DOCK7: variants seen among roughly 807,000 people sequenced by gnomAD.
DOCK7 encodes dedicator of cytokinesis 7.
In DOCK7, 138 loss-of-function variants were observed where a neutral mutation model predicts 271.0. The observed-to-expected ratio is 0.51, with a 90% confidence interval of 0.44 to 0.59. The LOEUF is 0.59. DOCK7 is among the 20% of genes least tolerant of loss of function. DOCK7 has a pLI of 0.00. For missense variants in DOCK7, 2,066 were observed against 2,592.4 expected (o/e 0.80, Z 4.41); for synonymous variants, 823 against 876.1 (o/e 0.94, Z 1.07).
Position 62,495,816 on chromosome 1 carries a change from C to G in DOCK7, c.4924-135G>C, listed in dbSNP as rs377636166. 167 of 678,482 alleles carry G rather than the reference C, an allele frequency of 2.5e-4. No individual in the cohort carries two copies. The African/African-American group carries it at 2.7e-3, about 11-fold the overall frequency. The allele number at this position is 678,482 out of a possible 1,614,324, so 42.0% of individuals were successfully genotyped here. A position where few individuals can be genotyped will look rare whatever the true frequency, so the allele number is the denominator to read the frequency against. ...TGTAGGATACTGATATGATTCTGTA[C>G]AGTATAGGTATGTGGGGATATGGTA... On this transcript the variant is annotated intron_variant, in intron 38 of 49. Coordinates refer to ENST00000635253, the MANE Select transcript of DOCK7 (RefSeq NM_001367561.1).
At chr1:62,473,333 G>A (rs1345138589) in intron 48 of DOCK7, among the ~76,000 whole-genome samples, 5 of 152,040 alleles carry the variant, frequency 3.3e-5, no homozygotes, top group African/African-American at 9.7e-5. Flanking sequence ...AAGTATTCTG[G>A]GGGGAGGGAA....
At position 62,636,533 on chromosome 1, in the gene DOCK7, T is replaced by G. The variant is rs1397292346; in HGVS notation, c.885+4A>C. 1 of 1,592,518 alleles carries G rather than the reference T, an allele frequency of 6.3e-7. No homozygotes were observed. The highest frequency in any genetic ancestry group is 1.3e-5 in the African/African-American group (1 of 74,384). On this transcript the variant is annotated splice_donor_region_variant and intron_variant, in intron 8 of 49. Coordinates refer to ENST00000635253, the MANE Select transcript of DOCK7 (RefSeq NM_001367561.1). ...ATAACTATGGTCAAATTATATAATCTTACCTTTTTCTTTTCCTTGACATCA... is the reference window on the plus strand; with the variant it reads ...ATAACTATGGTCAAATTATATAATCGTACCTTTTTCTTTTCCTTGACATCA...
intron 29 of DOCK7, among the ~76,000 whole-genome samples, chr1:62,534,611 A>C (rs1013515782): frequency 3.9e-5 from 6 of 152,098 alleles, no homozygotes; most frequent in African/African-American, 1.2e-4. Flanking sequence ...ACAGAGTGAG[A>C]CCTATTCTCA....
intron 43 of DOCK7, 77 bp downstream of exon 43, chr1:62,487,321 T>C: frequency 6.9e-7 from 1 of 1,443,954 alleles, no homozygotes; most frequent in Non-Finnish European, 9.6e-7. Flanking sequence ...AGCTAGCACA[T>C]GTGGGCAAAG....
At chr1:62,673,155 C>T (rs1660192076) in intron 1 of DOCK7, among the ~76,000 whole-genome samples, 1 of 152,016 alleles carries the variant, frequency 6.6e-6, no homozygotes, top group African/African-American at 2.4e-5. Context: ...AAAACTAAAA[C>T]ATATACACGT....
chr1:62,463,614 G>A (rs760780869), intron 48 of DOCK7, among the ~76,000 whole-genome samples: 9 of 151,928 alleles, frequency 5.9e-5, no homozygotes, highest in East Asian at 1.9e-4. Context: ...TTCATAAAAC[G>A]GATTATGTAA....
intron 15 of DOCK7, chr1:62,584,717 G>T: frequency 8.9e-7 from 1 of 1,125,378 alleles, no homozygotes; most frequent in Non-Finnish European, 1.3e-6. Flanking sequence ...ACATGAGTAA[G>T]ACATCGTCCC....
At chr1:62,609,038 T>G (rs1203101475) in intron 14 of DOCK7, 1 of 152,160 alleles carries the variant, frequency 6.6e-6, no homozygotes, top group South Asian at 2.1e-4. Context: ...TCTGCACTTA[T>G]GTATGTACTA....
intron 7 of DOCK7, among the ~76,000 whole-genome samples, chr1:62,637,503 A>C (rs1162303332): frequency 6.6e-6 from 1 of 152,212 alleles, no homozygotes; most frequent in African/African-American, 2.4e-5. Flanking sequence ...GTTAGAAGTC[A>C]GAGATATGAC....
At chr1:62,494,250 T>A (rs766619143) in intron 40 of DOCK7, 25 bp downstream of exon 40, 1 of 1,543,414 alleles carries the variant, frequency 6.5e-7, no homozygotes, top group Non-Finnish European at 8.8e-7. Context: ...TACCTTGATT[T>A]AATGTACATC....
At chr1:62,664,746 C>G (rs571714261) in intron 1 of DOCK7, among the ~76,000 whole-genome samples, 8 of 148,640 alleles carry the variant, frequency 5.4e-5, no homozygotes, top group African/African-American at 2.0e-4. Flanking sequence ...TTTCTGTAAA[C>G]CTAAAACTGC....
Position 62,524,931 on chromosome 1 carries a change from C to CTATATATATATATATA in DOCK7, c.3936+3204_3936+3219dup, listed in dbSNP as rs147371901. 9.4e-3 allele frequency among the ~76,000 whole-genome samples: 975 copies of CTATATATATATATATA among 103,460 alleles called. 36 individuals are homozygous for CTATATATATATATATA. Among genetic ancestry groups the CTATATATATATATATA allele is most frequent in the Non-Finnish European group, 0.014 (721 of 52,060 alleles). The allele number at this position is 103,460 out of a possible 152,430, so 67.9% of individuals were successfully genotyped here. On this transcript the variant is annotated intron_variant, in intron 31 of 49. Transcript: ENST00000635253. The stretch of plus-strand genomic sequence containing the variant: ...AACAAAACAAAACCAACCAACCAAA[C>CTATATATATATATATA]TATATATATATATATATATATATAT...
intron 18 of DOCK7, among the ~76,000 whole-genome samples, chr1:62,570,130 CA>C (rs1646722202): frequency 6.6e-6 from 1 of 152,194 alleles, no homozygotes; most frequent in African/African-American, 2.4e-5. Context: ...TTGCAGATGA[CA>C]TGATCCTCTA....
intron 10 of DOCK7, among the ~76,000 whole-genome samples, chr1:62,633,265 C>CTA (rs1364965029): frequency 2.0e-5 from 3 of 151,714 alleles, no homozygotes; most frequent in Admixed American, 6.6e-5. Flanking sequence ...TTAAAGAATA[C>CTA]CACAGCATAT....
At chr1:62,488,638 G>A in intron 42 of DOCK7, 1 of 336,432 alleles carries the variant, frequency 3.0e-6, no homozygotes, top group Admixed American at 4.5e-5. Flanking sequence ...TCACAACTAT[G>A]ATCTACCTTG....
intron 1 of DOCK7, among the ~76,000 whole-genome samples, chr1:62,683,990 A>G (rs924929482): frequency 6.6e-6 from 1 of 152,136 alleles, no homozygotes; most frequent in Admixed American, 6.5e-5. Flanking sequence ...CTGTAATCCT[A>G]GCACTTTGGG....
intron 48 of DOCK7, among the ~76,000 whole-genome samples, chr1:62,465,341 G>A (rs546919387): frequency 6.6e-6 from 1 of 152,256 alleles, no homozygotes; most frequent in East Asian, 1.9e-4. Context: ...AGTGCCACTA[G>A]TGATGCTGGA....
intron 9 of DOCK7, chr1:62,633,805 A>G (rs1654918545): frequency 4.5e-6 from 2 of 447,092 alleles, no homozygotes; most frequent in South Asian, 6.5e-5. Flanking sequence ...GCCATATATG[A>G]AAAGCCCACA....
chr1:62,505,595 AT>A, intron 36 of DOCK7, 86 bp downstream of exon 36: 1 of 1,403,582 alleles, frequency 7.1e-7, no homozygotes, highest in Middle Eastern at 1.9e-4. Flanking sequence ...TACTACATAT[AT>A]TAACCAATGA....
Sources: gnomAD v4.1 joint callset for allele counts (sites outside exome capture counted in the v4.1 genomes callset) on GRCh38, gnomAD v4.1.1 for gene constraint, MANE v1.5 for transcripts, NCBI Gene and HGNC (gene_info 2026-07-23, HGNC 2026-07-21) for gene names.